Variants in DOCK3 observed in about 807,000 individuals in gnomAD.
DOCK3 encodes dedicator of cytokinesis 3.
In DOCK3, 60 loss-of-function variants were observed where a neutral mutation model predicts 265.6. That is an observed-to-expected ratio of 0.23 (90% confidence interval 0.18 to 0.28). The LOEUF is 0.28. Among genes scored for constraint, DOCK3 ranks in the 10% least tolerant of loss-of-function variants. The pLI is 1.00. For missense variants in DOCK3, 1,981 were observed against 2,594.3 expected (o/e 0.76, Z 5.14); for synonymous variants, 881 against 938.0 (o/e 0.94, Z 1.11).
intron 17 of DOCK3, among the ~76,000 whole-genome samples, 160 bp downstream of exon 17, chr3:51,228,248 C>T (rs1210520454): frequency 6.6e-6 from 1 of 152,216 alleles, no homozygotes; most frequent in Non-Finnish European, 1.5e-5. Flanking sequence ...CTTCTGTCTT[C>T]TAAGTGCGGT....
intron 2 of DOCK3, among the ~76,000 whole-genome samples, chr3:50,828,377 C>T (rs1336780878): frequency 6.6e-6 from 1 of 151,986 alleles, no homozygotes; most frequent in Non-Finnish European, 1.5e-5. Context: ...TACATTCATT[C>T]GTTTGCCCAC....
chr3:51,172,261 C>T lies in DOCK3; in HGVS notation c.1037+11559C>T, dbSNP rs1001939043. Among the ~76,000 whole-genome samples, 6 of 151,992 alleles carry T rather than the reference C, an allele frequency of 3.9e-5. No individual in the cohort carries two copies. The East Asian group carries it at 5.8e-4, about 15-fold the overall frequency. On this transcript the variant is annotated intron_variant, in intron 12 of 52. Transcript: ENST00000266037. ...CACAATCTCGACTCACTGCAACCTC[C>T]GCCTCCCGGGTTCCAGCAATTATCC...
At chr3:50,905,908 A>G (rs370779333) in intron 4 of DOCK3, among the ~76,000 whole-genome samples, 35 of 152,184 alleles carry the variant, frequency 2.3e-4, no homozygotes, top group African/African-American at 5.8e-4. Context: ...TTTGTCATAA[A>G]TAGCTCTTAT....
At chr3:51,362,099 C>A (rs2086781449) in intron 48 of DOCK3, 102 bp downstream of exon 48, 2 of 1,408,906 alleles carry the variant, frequency 1.4e-6, no homozygotes, top group East Asian at 2.5e-5. Context: ...CTGCCTAATT[C>A]TCTAGCTCCT....
At chr3:51,252,541 G>A (rs971593988) in intron 22 of DOCK3, among the ~76,000 whole-genome samples, 15 of 152,152 alleles carry the variant, frequency 9.9e-5, no homozygotes, top group South Asian at 2.1e-4. Flanking sequence ...ATTTTGTTGA[G>A]CAGTGGTTTG....
chr3:50,778,254 G>A (rs1185842070), intron 1 of DOCK3, among the ~76,000 whole-genome samples: 1 of 151,976 alleles, frequency 6.6e-6, no homozygotes, highest in Non-Finnish European at 1.5e-5. Context: ...GCTTTTCAAA[G>A]CATAATCAAA....
At chr3:51,079,359 G>A (rs2082151373) in intron 7 of DOCK3, among the ~76,000 whole-genome samples, 1 of 152,078 alleles carries the variant, frequency 6.6e-6, no homozygotes, top group African/African-American at 2.4e-5. Flanking sequence ...TTGAGACAGA[G>A]TCTGTCTTTG....
At chr3:51,019,952 G>A (rs543519929) in intron 5 of DOCK3, among the ~76,000 whole-genome samples, 51 of 151,982 alleles carry the variant, frequency 3.4e-4, no homozygotes, top group African/African-American at 1.2e-3. Context: ...GTGCGCATGT[G>A]TCTTTATAAT....
chr3:50,768,355 C>T (rs2041045653), intron 1 of DOCK3, among the ~76,000 whole-genome samples: 1 of 151,970 alleles, frequency 6.6e-6, no homozygotes, highest in Admixed American at 6.6e-5. Context: ...CAAAGCCTGG[C>T]AGAGACACAA....
At chr3:51,012,257 C>CA (rs1230145262) in intron 5 of DOCK3, among the ~76,000 whole-genome samples, 1 of 152,186 alleles carries the variant, frequency 6.6e-6, no homozygotes, top group Non-Finnish European at 1.5e-5. Context: ...GTGGAGTCTA[C>CA]AGAGGCAGGC....
At chr3:50,784,504 G>A (rs2042085947) in intron 2 of DOCK3, among the ~76,000 whole-genome samples, 1 of 152,096 alleles carries the variant, frequency 6.6e-6, no homozygotes, top group African/African-American at 2.4e-5. Flanking sequence ...CTCTTTTTTG[G>A]TTCCATATGA....
intron 1 of DOCK3, among the ~76,000 whole-genome samples, chr3:50,698,515 TG>T (rs1559525599): frequency 3.0e-5 from 4 of 132,110 alleles, no homozygotes; most frequent in East Asian, 2.2e-4. Context: ...TGTATGTTTT[TG>T]GTTTTTTTTT....
At chr3:51,304,551 C>T (rs1451992174) in intron 27 of DOCK3, among the ~76,000 whole-genome samples, 2 of 152,212 alleles carry the variant, frequency 1.3e-5, no homozygotes, top group African/African-American at 4.8e-5. Context: ...TGAGTGGCCG[C>T]TGAGAATCTG....
chr3:51,333,930 T>C (rs1041319028), intron 35 of DOCK3, among the ~76,000 whole-genome samples: 1 of 151,788 alleles, frequency 6.6e-6, no homozygotes, highest in Non-Finnish European at 1.5e-5. Flanking sequence ...AGCCTCGAAG[T>C]CCTAGGCTCA....
intron 12 of DOCK3, among the ~76,000 whole-genome samples, chr3:51,168,652 T>G (rs1373107968): frequency 6.6e-6 from 1 of 152,198 alleles, no homozygotes; most frequent in Non-Finnish European, 1.5e-5. Context: ...GTAGACAACC[T>G]AGGCAATACC....
chr3:51,341,103 T>C, intron 37 of DOCK3, 134 bp from the exon 38 acceptor site: 1 of 1,085,712 alleles, frequency 9.2e-7, no homozygotes, highest in East Asian at 2.7e-5. Context: ...TCATCTTTAG[T>C]ATCCAGTGTC....
At chr3:51,042,609 C>A (rs55966607) in intron 5 of DOCK3, among the ~76,000 whole-genome samples, 11,478 of 152,000 alleles carry the variant, frequency 0.076, 580 homozygotes, top group Non-Finnish European at 0.11. Flanking sequence ...CCAGCAGGAG[C>A]AAAAAATGAA....
chr3:51,309,403 G>A (rs1338588557), intron 27 of DOCK3, among the ~76,000 whole-genome samples: 9 of 152,202 alleles, frequency 5.9e-5, no homozygotes, highest in Admixed American at 1.3e-4. Context: ...CCAACCCAGC[G>A]AAACCCCGTC....
At chr3:50,939,754 A>T (rs2076233423) in intron 5 of DOCK3, among the ~76,000 whole-genome samples, 1 of 152,156 alleles carries the variant, frequency 6.6e-6, no homozygotes, top group African/African-American at 2.4e-5. Flanking sequence ...ATTTATAAAA[A>T]CCCACAGCAA....
Sources: allele counts gnomAD v4.1 joint callset (sites outside exome capture counted in the v4.1 genomes callset), GRCh38; gene constraint gnomAD v4.1.1; transcripts MANE v1.5; gene names NCBI Gene and HGNC (gene_info 2026-07-23, HGNC 2026-07-21).